HAPLN1: variants seen among roughly 807,000 people sequenced by gnomAD.
HAPLN1 encodes hyaluronan and proteoglycan link protein 1, also known as Cartilage link protein.
In HAPLN1, 13 loss-of-function variants were observed where a neutral mutation model predicts 36.5. The ratio of observed to expected loss-of-function variants is 0.36; its 90% CI spans 0.23 to 0.57. The LOEUF (loss-of-function observed/expected upper bound fraction) is 0.57, where lower values mean the gene tolerates loss of function less well. Ranked by LOEUF, HAPLN1 falls within the 20% of genes least tolerant of loss-of-function variation. HAPLN1 has a pLI of 0.83. For missense variants in HAPLN1, 407 were observed against 439.7 expected (o/e 0.93, Z 0.66); for synonymous variants, 202 against 169.8 (o/e 1.19, Z -1.48).
intron 3 of HAPLN1, among the ~76,000 whole-genome samples, chr5:83,651,068 G>A (rs917639102): frequency 6.6e-6 from 1 of 151,350 alleles, no homozygotes; most frequent in African/African-American, 2.4e-5. Flanking sequence ...TTTTTATTTA[G>A]AGTTTAATTT....
At chr5:83,702,459 G>A (rs1233099537) in intron 1 of HAPLN1, among the ~76,000 whole-genome samples, 8 of 152,110 alleles carry the variant, frequency 5.3e-5, no homozygotes, top group Admixed American at 5.2e-4. Context: ...AAAGACGCAG[G>A]AACTGAGTCC....
At position 83,641,581 on chromosome 5, in the gene HAPLN1, G is replaced by A. The variant is rs1348568546; in HGVS notation, c.980C>T (p.Pro327Leu). ...CACGAAGCGCACTGCAGCCTCAGTA[G>A]GACTGCAGCGCCTTCTTGGCCTAGA... is the stretch of plus-strand genomic sequence containing the variant. ...PISRPRRRCS[P>L]TEAAVRFVGF... The change falls in exon 5 of 5, where the codon CCT (proline) becomes CTT (leucine). Residue 327 changes from proline (P) to leucine (L), a missense_variant. Transcript: ENST00000274341. The A allele has an allele frequency of 6.2e-7, 1 of 1,614,148 alleles. No homozygotes were observed. The highest frequency in any genetic ancestry group is 8.5e-7 in the Non-Finnish European group (1 of 1,179,990).
Position 83,644,556 on chromosome 5 carries a change from C to A in HAPLN1, c.582G>T (p.Leu194=). The A allele has an allele frequency of 6.2e-7, 1 of 1,602,654 alleles. No individual in the cohort carries two copies. ...CCAGCCCGCCCCGCCAGGCGTCGTACAGCTGGTCGAAGGAGGCGATCACAG... is the reference window on the plus strand; with the variant it reads ...CCAGCCCGCCCCGCCAGGCGTCGTAAAGCTGGTCGAAGGAGGCGATCACAG... The part of the protein sequence containing the change: ...QDAVIASFDQ[L]YDAWRGGLDW... The change falls in exon 4 of 5, where the codon CTG becomes CTT. Residue 194 remains leucine, a synonymous_variant. Coordinates refer to ENST00000274341, the MANE Select transcript of HAPLN1 (RefSeq NM_001884.4).
At chr5:83,695,211 T>A (rs1182876125) in intron 1 of HAPLN1, among the ~76,000 whole-genome samples, 1 of 152,130 alleles carries the variant, frequency 6.6e-6, no homozygotes, top group African/African-American at 2.4e-5. Flanking sequence ...CTGCAACTTC[T>A]GCCTCCTGGG....
At chr5:83,719,892 A>G (rs1751984824) in intron 1 of HAPLN1, among the ~76,000 whole-genome samples, 1 of 152,236 alleles carries the variant, frequency 6.6e-6, no homozygotes, top group African/African-American at 2.4e-5. Context: ...TGATTTTATG[A>G]CATCACACTG....
chr5:83,700,193 C>CAAA (rs58457969), intron 1 of HAPLN1, among the ~76,000 whole-genome samples: 4 of 99,254 alleles, frequency 4.0e-5, no homozygotes, highest in Non-Finnish European at 7.9e-5. Flanking sequence ...GACTCCATCT[C>CAAA]AAAAAAAAAA....
In HAPLN1 at chr5:83,673,503, C is replaced by A; in HGVS notation, c.21G>T (p.Leu7=). 6.2e-7 allele frequency: 1 copy of A among 1,613,416 alleles called. No individual in the cohort carries two copies. Among genetic ancestry groups the A allele is most frequent in the Non-Finnish European group, 8.5e-7 (1 of 1,179,512 alleles). ...CAGCCCAGCAGATTGAAATCAGCAC[C>A]AGAAGAAGTAGACTCTTCATCTTTA... MKSLLL[L]VLISICWADH... The change falls in exon 2 of 5, where the codon CTG becomes CTT. Residue 7 remains leucine, a synonymous_variant. Coordinates refer to ENST00000274341, the MANE Select transcript of HAPLN1 (RefSeq NM_001884.4).
intron 1 of HAPLN1, among the ~76,000 whole-genome samples, chr5:83,695,763 G>A (rs1198925178): frequency 6.6e-6 from 1 of 151,140 alleles, no homozygotes; most frequent in Non-Finnish European, 1.5e-5. Context: ...GGAATAAAAA[G>A]GAACTTCCTC....
intron 1 of HAPLN1, among the ~76,000 whole-genome samples, chr5:83,698,326 T>C (rs977377296): frequency 7.9e-5 from 12 of 152,188 alleles, no homozygotes; most frequent in Non-Finnish European, 1.2e-4. Context: ...TTTCTTTTCC[T>C]GCTTTGTAAG....
chr5:83,652,314 T>C, intron 3 of HAPLN1, 139 bp downstream of exon 3: 7 of 804,584 alleles, frequency 8.7e-6, no homozygotes, highest in Non-Finnish European at 1.4e-5. Context: ...GACTGTAGAA[T>C]ACAAAAGAAT....
intron 1 of HAPLN1, among the ~76,000 whole-genome samples, chr5:83,697,209 A>G (rs966257665): frequency 6.6e-6 from 1 of 152,162 alleles, no homozygotes; most frequent in Non-Finnish European, 1.5e-5. Context: ...CAATGAGTCT[A>G]TTCTAGATGA....
intron 1 of HAPLN1, chr5:83,674,176 A>G (rs1199092628): frequency 6.6e-6 from 1 of 152,304 alleles, no homozygotes; most frequent in Non-Finnish European, 1.5e-5. Context: ...GTTGAAAATT[A>G]TGAACAAACT....
chr5:83,644,615 G>A lies in HAPLN1; in HGVS notation c.523C>T (p.His175Tyr), dbSNP rs1466610710. 4.6e-6 allele frequency: 7 copies of A among 1,510,218 alleles called. No individual in the cohort carries two copies. The highest frequency in any genetic ancestry group is 3.6e-4 in the Middle Eastern group (2 of 5,604). The allele number at this position is 1,510,218 out of a possible 1,614,324, so 93.6% of individuals were successfully genotyped here. ...PRLGRYNLNF[H>Y]EAQQACLDQD... ...TCCAGACACGCCTGCTGCGCCTCGT[G>A]AAAATTGAGATTGTAGCGCCCCAGT... The change falls in exon 4 of 5, where the codon CAC becomes TAC. Residue 175 changes from histidine (H) to tyrosine (Y), a missense_variant. Physicochemically the swap from His to Tyr is moderately conservative, Grantham distance 83 (BLOSUM62 2). Coordinates refer to ENST00000274341, the MANE Select transcript of HAPLN1 (RefSeq NM_001884.4).
At chr5:83,695,620 A>G (rs1330880223) in intron 1 of HAPLN1, among the ~76,000 whole-genome samples, 3 of 133,540 alleles carry the variant, frequency 2.2e-5, no homozygotes, top group Non-Finnish European at 5.1e-5. Flanking sequence ...CTATAGATAT[A>G]TATCTATATA....
chr5:83,641,455 G>A lies in HAPLN1; in HGVS notation c.*41C>T, dbSNP rs770602266. 1 of 1,513,220 alleles carries A rather than the reference G, an allele frequency of 6.6e-7. No individual in the cohort carries two copies. Among genetic ancestry groups the A allele is most frequent in the South Asian group, 1.3e-5 (1 of 75,776 alleles). The allele number at this position is 1,513,220 out of a possible 1,614,324, so 93.7% of individuals were successfully genotyped here. On this transcript the variant is annotated 3_prime_UTR_variant, in exon 5 of 5. Transcript: ENST00000274341. ...TGGAAAAAAAAAACACCTTTCACAT[G>A]TTCTTAATGACTTTAAAACTGATGC...
intron 1 of HAPLN1, among the ~76,000 whole-genome samples, chr5:83,718,235 T>C (rs901818246): frequency 6.6e-6 from 1 of 152,220 alleles, no homozygotes; most frequent in Non-Finnish European, 1.5e-5. Flanking sequence ...TGTTTAGTTG[T>C]ACCTTAATTT....
intron 1 of HAPLN1, chr5:83,686,061 C>T (rs1751113247): frequency 6.7e-6 from 1 of 150,036 alleles, no homozygotes; most frequent in Non-Finnish European, 1.5e-5. Context: ...ATTTCTCTAC[C>T]CTGGCACACT....
At chr5:83,712,141 T>C (rs1287656140) in intron 1 of HAPLN1, among the ~76,000 whole-genome samples, 1 of 152,162 alleles carries the variant, frequency 6.6e-6, no homozygotes, top group Non-Finnish European at 1.5e-5. Context: ...ATTGACCAAA[T>C]GGTCAAGCTG....
intron 1 of HAPLN1, among the ~76,000 whole-genome samples, chr5:83,705,293 G>C (rs981763011): frequency 6.6e-6 from 1 of 150,686 alleles, no homozygotes; most frequent in Admixed American, 6.6e-5. Context: ...AGGAGGCTGA[G>C]GCAGGAGAAC....
Sources: gnomAD v4.1 joint callset for allele counts (sites outside exome capture counted in the v4.1 genomes callset) on GRCh38, gnomAD v4.1.1 for gene constraint, MANE v1.5 for transcripts, NCBI Gene and HGNC (gene_info 2026-07-23, HGNC 2026-07-21) for gene names.